CDA: variants seen among roughly 807,000 people sequenced by gnomAD.
CDA encodes cytidine deaminase, also known as cytidine aminohydrolase.
In CDA, 7 loss-of-function variants were observed where a neutral mutation model predicts 15.0. The observed-to-expected ratio is 0.47, with a 90% CI of 0.26 to 0.87. The LOEUF (loss-of-function observed/expected upper bound fraction) is 0.87, where lower values mean the gene tolerates loss of function less well. Ranked by LOEUF, CDA falls within the 40% of genes least tolerant of loss-of-function variation. The pLI is 0.15. For synonymous variants in CDA, 58 were observed against 73.0 expected (o/e 0.79, Z 1.05); for missense variants, 159 against 182.7 (o/e 0.87, Z 0.75).
chr1:20,603,566 A>T (rs900724151), intron 1 of CDA, among the ~76,000 whole-genome samples: 1 of 152,222 alleles, frequency 6.6e-6, no homozygotes, highest in African/African-American at 2.4e-5. Context: ...CATTGGCCAG[A>T]ACTGCATCAT....
At chr1:20,592,270 T>C (rs963993341) in intron 1 of CDA, among the ~76,000 whole-genome samples, 2 of 152,196 alleles carry the variant, frequency 1.3e-5, no homozygotes, top group African/African-American at 2.4e-5. Flanking sequence ...GATCGGTTGG[T>C]GCCTGCGCTG....
chr1:20,612,464 G>A (rs975908287), intron 2 of CDA, among the ~76,000 whole-genome samples: 2 of 140,178 alleles, frequency 1.4e-5, no homozygotes, highest in Non-Finnish European at 3.1e-5. Context: ...CCCCACCACC[G>A]ACAATGAGTC....
intron 2 of CDA, among the ~76,000 whole-genome samples, chr1:20,612,942 CAAAAAAAA>C (rs35637551): frequency 1.2e-5 from 1 of 85,002 alleles, no homozygotes; most frequent in Admixed American, 1.4e-4. Context: ...GACTCCATCT[CAAAAAAAA>C]AAAAAAAAAA....
At chr1:20,607,345 C>T (rs901369699) in intron 2 of CDA, among the ~76,000 whole-genome samples, 5 of 152,256 alleles carry the variant, frequency 3.3e-5, no homozygotes, top group Non-Finnish European at 7.4e-5. Flanking sequence ...TATCCGATAG[C>T]CTTCCCTGTC....
chr1:20,616,428 G>C (rs760808931), intron 3 of CDA, among the ~76,000 whole-genome samples: 127 of 152,252 alleles, frequency 8.3e-4, no homozygotes, highest in Non-Finnish European at 8.7e-4. Flanking sequence ...CCTGCCAGGA[G>C]TGCAAATCAG....
chr1:20,605,414 C>T (rs2052685883), intron 2 of CDA, among the ~76,000 whole-genome samples: 2 of 151,694 alleles, frequency 1.3e-5, no homozygotes, highest in Admixed American at 1.3e-4. Flanking sequence ...AATCCCAGCA[C>T]TTTGGGAGGC....
intron 1 of CDA, among the ~76,000 whole-genome samples, chr1:20,593,473 C>G (rs549072435): frequency 6.6e-6 from 1 of 152,334 alleles, no homozygotes; most frequent in East Asian, 1.9e-4. Flanking sequence ...CCACATCCTT[C>G]TTTATCCTTC....
At chr1:20,610,696 T>C (rs2052741684) in intron 2 of CDA, among the ~76,000 whole-genome samples, 1 of 152,242 alleles carries the variant, frequency 6.6e-6, no homozygotes, top group African/African-American at 2.4e-5. Context: ...ACTAAAATTA[T>C]GACAGAGCTT....
Position 20,609,328 on chromosome 1 carries a change from C to CA in CDA, c.266+4297dup, listed in dbSNP as rs796308382. ...TGAAACCCCGTCTCTACTAAAAATA[C>CA]AAAAAAAATTAACCAGGCGTGGTGG... On this transcript the variant is annotated intron_variant, in intron 2 of 3. Transcript: ENST00000375071. 4.5e-4 allele frequency among the ~76,000 whole-genome samples: 68 copies of CA among 151,988 alleles called. 1 individual carries two copies. The highest frequency in any genetic ancestry group is 6.8e-3 in the Middle Eastern group (2 of 294).
intron 1 of CDA, among the ~76,000 whole-genome samples, chr1:20,603,012 A>G (rs1303420149): frequency 6.6e-6 from 1 of 152,112 alleles, no homozygotes; most frequent in Non-Finnish European, 1.5e-5. Context: ...GCTGATTCCC[A>G]TTGCCAGGGA....
At position 20,615,139 on chromosome 1, in the gene CDA, C is replaced by T. The variant is rs568966119; in HGVS notation, c.324+1240C>T. ...CCTCCCAAAGTGCTGGGATTACAGG[C>T]GTGAGCCACCGCGCCCAGCCTGGAG... On this transcript the variant is annotated intron_variant, in intron 3 of 3. Coordinates refer to ENST00000375071, the MANE Select transcript of CDA (RefSeq NM_001785.3). 1.5e-4 allele frequency among the ~76,000 whole-genome samples: 23 copies of T among 152,068 alleles called. No individual in the cohort carries two copies. The East Asian group carries it at 4.3e-3, about 28-fold the overall frequency.
intron 2 of CDA, among the ~76,000 whole-genome samples, chr1:20,610,064 G>T (rs973214248): frequency 6.6e-6 from 1 of 152,016 alleles, no homozygotes; most frequent in Non-Finnish European, 1.5e-5. Context: ...TTGGTTGGGT[G>T]GTTGATCAGT....
chr1:20,594,718 G>A (rs1466170411), intron 1 of CDA, among the ~76,000 whole-genome samples: 14 of 150,706 alleles, frequency 9.3e-5, no homozygotes, highest in East Asian at 2.0e-4. Context: ...GAACCTGGGA[G>A]GTGGAGGTTG....
At chr1:20,605,458 A>G (rs10916826) in intron 2 of CDA, among the ~76,000 whole-genome samples, 44,991 of 136,304 alleles carry the variant, frequency 0.33, 8,011 homozygotes, top group South Asian at 0.41. Context: ...AGGAGATCGA[A>G]ACCATCCTGG....
At position 20,613,905 on chromosome 1, in the gene CDA, C is replaced by G; in HGVS notation, c.324+6C>G. On this transcript the variant is annotated splice_donor_region_variant and intron_variant, in intron 3 of 3. Transcript: ENST00000375071. ...GCAGGCAAGTCATGAGAGAGGTAAG[C>G]AGCTTCTCTTGCTGTCTGGAATGCA... 6.2e-7 allele frequency: 1 copy of G among 1,612,286 alleles called. No homozygotes were observed. Among genetic ancestry groups the G allele is most frequent in the East Asian group, 2.2e-5 (1 of 44,884 alleles).
chr1:20,593,385 G>T (rs1458525823), intron 1 of CDA, among the ~76,000 whole-genome samples: 2 of 152,156 alleles, frequency 1.3e-5, no homozygotes, highest in Non-Finnish European at 2.9e-5. Flanking sequence ...TATGGTCAAC[G>T]TCAGAAAGCA....
intron 1 of CDA, among the ~76,000 whole-genome samples, chr1:20,598,908 C>A (rs931507804): frequency 6.6e-6 from 1 of 152,180 alleles, no homozygotes; most frequent in African/African-American, 2.4e-5. Context: ...ATGTTAGAGA[C>A]AAAATCTCTG....
intron 1 of CDA, among the ~76,000 whole-genome samples, chr1:20,595,960 C>A (rs558480692): frequency 2.7e-5 from 4 of 148,676 alleles, no homozygotes; most frequent in Non-Finnish European, 6.0e-5. Flanking sequence ...ACCAGCCTGG[C>A]CAATATGGTG....
intron 2 of CDA, among the ~76,000 whole-genome samples, chr1:20,609,512 C>A (rs574528803): frequency 1.3e-5 from 2 of 152,074 alleles, no homozygotes; most frequent in African/African-American, 2.4e-5. Flanking sequence ...AGAAAGGAAG[C>A]GGTGAGCTCA....
Sources: allele counts gnomAD v4.1 joint callset (sites outside exome capture counted in the v4.1 genomes callset), GRCh38; gene constraint gnomAD v4.1.1; transcripts MANE v1.5; gene names NCBI Gene and HGNC (gene_info 2026-07-23, HGNC 2026-07-21).